Variants in MMP8 observed in about 807,000 individuals in gnomAD.
The protein encoded by MMP8 is matrix metallopeptidase 8.
MMP8 carries 67 observed loss-of-function variants against 51.2 expected under a neutral mutation model. That is an observed-to-expected ratio of 1.31 (90% CI 1.08 to 1.60). The LOEUF is 1.60. Ranked by LOEUF, MMP8 falls within the 40% of genes most tolerant of loss-of-function variation. MMP8 has a pLI of 0.00. For missense variants in MMP8, 654 were observed against 558.1 expected, an observed-to-expected ratio of 1.17 and a Z score of -1.73; for synonymous variants, 225 against 191.0, an observed-to-expected ratio of 1.18 and a Z score of -1.47.
chr11:102,718,287 T>C (rs1219304243), intron 5 of MMP8, 127 bp downstream of exon 5: 2 of 993,450 alleles, frequency 2.0e-6, no homozygotes, highest in Non-Finnish European at 1.5e-6. Flanking sequence ...GCTTTATTAC[T>C]GGGGAAATTC....
Position 102,714,653 on chromosome 11 carries a change from T to C in MMP8, c.1093A>G (p.Ile365Val), listed in dbSNP as rs1861227313. ...CTGCTGGGGAAGCCATAGTTTGATA[T>C]ATCCTTGGGATAACCTTGCAGAATA... The part of the protein sequence containing the change: ...YDILQGYPKD[I>V]SNYGFPSSVQ... The change falls in exon 8 of 10, where the codon ATA (isoleucine) becomes GTA (valine). Residue 365 changes from isoleucine to valine, a missense_variant. Ile to Val is a conservative substitution (Grantham distance 29). Coordinates refer to ENST00000236826, the MANE Select transcript of MMP8 (RefSeq NM_002424.3). 6.4e-7 allele frequency: 1 copy of C among 1,554,822 alleles called. No individual in the cohort carries two copies. The highest frequency in any genetic ancestry group is 2.0e-5 in the Admixed American group (1 of 50,214).
intron 4 of MMP8, among the ~76,000 whole-genome samples, chr11:102,720,572 C>G (rs536100576): frequency 6.6e-6 from 1 of 152,116 alleles, no homozygotes; most frequent in Non-Finnish European, 1.5e-5. Flanking sequence ...TCTAAAAGTG[C>G]TCTCTGGCAT....
intron 4 of MMP8, among the ~76,000 whole-genome samples, chr11:102,719,304 G>A (rs955744980): frequency 6.6e-6 from 1 of 152,092 alleles, no homozygotes; most frequent in Non-Finnish European, 1.5e-5. Flanking sequence ...AGATATTTGA[G>A]TGCTTGCCTT....
chr11:102,717,186 C>A (rs371044423), intron 5 of MMP8, among the ~76,000 whole-genome samples: 2 of 152,122 alleles, frequency 1.3e-5, no homozygotes, highest in Non-Finnish European at 1.5e-5. Flanking sequence ...TATTCCATTC[C>A]ATTCCACACT....
At position 102,721,735 on chromosome 11, in the gene MMP8, T is replaced by C; in HGVS notation, c.375A>G (p.Ser125=). The change falls in exon 3 of 10, where the codon TCA becomes TCG. Residue 125 remains serine, a synonymous_variant. Transcript: ENST00000236826. ...YRIRNYTPQL[S]EAEVERAIKD... is the part of the protein sequence containing the mutation. The stretch of plus-strand genomic sequence containing the variant: ...TGATAGCTCTTTCTACCTCAGCCTC[T>C]GACAGCTGTGGGGTATAGTTTCGAA... The C allele has an allele frequency of 6.2e-7, 1 of 1,613,782 alleles. No homozygotes were observed. The highest frequency in any genetic ancestry group is 8.5e-7 in the Non-Finnish European group (1 of 1,179,782).
Position 102,718,502 on chromosome 11 carries a change from A to G in MMP8, c.696T>C (p.Gly232=), listed in dbSNP as rs908355746. ...SLGLAHSSDP[G]ALMYPNYAFR... ...AAGCATAGTTGGGATACATCAAGGC[A>G]CCAGGGTCAGAGGAGTGAGCGAGCC... The change falls in exon 5 of 10, where the codon GGT becomes GGC. Residue 232 remains glycine, a synonymous_variant. Transcript: ENST00000236826. 3.5e-5 allele frequency: 56 copies of G among 1,613,850 alleles called. No individual in the cohort carries two copies. The highest frequency in any genetic ancestry group is 4.7e-5 in the Non-Finnish European group (55 of 1,179,936).
At position 102,721,774 on chromosome 11, in the gene MMP8, G is replaced by C; in HGVS notation, c.348-12C>G. On this transcript the variant is annotated splice_polypyrimidine_tract_variant and intron_variant, in intron 2 of 9. Transcript: ENST00000236826. The stretch of plus-strand genomic sequence containing the variant: ...TATAGTTTCGAATCCTTCAAAATGA[G>C]AGGATGTATGAAGAGTTAAATGTTA... 6.2e-7 allele frequency: 1 copy of C among 1,613,038 alleles called. No homozygotes were observed. The highest frequency in any genetic ancestry group is 8.5e-7 in the Non-Finnish European group (1 of 1,179,412).
intron 2 of MMP8, 30 bp downstream of exon 2, chr11:102,722,399 G>A (rs1296117130): frequency 1.9e-6 from 3 of 1,609,848 alleles, no homozygotes; most frequent in Non-Finnish European, 1.7e-6. Context: ...CTGGATAAAT[G>A]AGTGTATCCT....
chr11:102,714,616 A>T lies in MMP8; in HGVS notation c.1130T>A (p.Ile377Asn), dbSNP rs767574063. 10 of 1,526,976 alleles carry T rather than the reference A, an allele frequency of 6.5e-6. No individual in the cohort carries two copies. The South Asian group carries it at 1.3e-4, about 20-fold the overall frequency. 94.6% of individuals were successfully genotyped at this position (1,526,976 alleles called of 1,614,324 possible). A position where few individuals can be genotyped will look rare whatever the true frequency, so the allele number is the denominator to read the frequency against. ...NYGFPSSVQA[I>N]DAAVFYRSKT... Reference sequence around the variant, plus strand: ...ACTTCTGTAGAAAACAGCTGCGTCAATTGCTTGGACGCTGCTGGGGAAGCC... The same window carrying T: ...ACTTCTGTAGAAAACAGCTGCGTCATTTGCTTGGACGCTGCTGGGGAAGCC... The change falls in exon 8 of 10, where the codon ATT becomes AAT. Residue 377 changes from isoleucine (I) to asparagine (N), a missense_variant. Physicochemically the swap from Ile to Asn is moderately radical, Grantham distance 149. Coordinates refer to ENST00000236826, the MANE Select transcript of MMP8 (RefSeq NM_002424.3).
At chr11:102,717,495 T>C (rs1301181045) in intron 5 of MMP8, among the ~76,000 whole-genome samples, 1 of 152,204 alleles carries the variant, frequency 6.6e-6, no homozygotes, top group East Asian at 1.9e-4. Flanking sequence ...GTGCAATATA[T>C]CTCATTCTGT....
At chr11:102,724,222 T>C (rs1188522655) in intron 1 of MMP8, among the ~76,000 whole-genome samples, 1 of 152,222 alleles carries the variant, frequency 6.6e-6, no homozygotes, top group Non-Finnish European at 1.5e-5. Context: ...AAAAAAACTA[T>C]TGGTTCTGCT....
At chr11:102,715,581 G>A in intron 6 of MMP8, 144 bp from the exon 7 acceptor site, 1 of 1,100,294 alleles carries the variant, frequency 9.1e-7, no homozygotes, top group Non-Finnish European at 1.3e-6. Flanking sequence ...TCCTAGCACA[G>A]TGACCAGCAT....
chr11:102,715,534 T>G, intron 6 of MMP8, 97 bp from the exon 7 acceptor site: 1 of 1,458,398 alleles, frequency 6.9e-7, no homozygotes, highest in East Asian at 2.3e-5. Context: ...CCTTGTAGGA[T>G]TGCTGGGAGA....
chr11:102,718,652 C>T (rs936720929), intron 4 of MMP8, 77 bp from the exon 5 acceptor site: 3 of 1,545,302 alleles, frequency 1.9e-6, no homozygotes, highest in Non-Finnish European at 8.9e-7. Flanking sequence ...AGGAATGCAA[C>T]CTCCAAGTCA....
chr11:102,715,460 A>AGG, intron 6 of MMP8, 23 bp from the exon 7 acceptor site: 1 of 1,605,332 alleles, frequency 6.2e-7, no homozygotes, highest in Non-Finnish European at 8.5e-7. Flanking sequence ...AAGGAAACAC[A>AGG]CACACACACT....
Position 102,713,431 on chromosome 11 carries a change from T to C in MMP8, c.1321A>G (p.Arg441Gly). ...GCAATAAGATCAAATGCGTAATATCTTGGTCCACTGAAGACATGGAAGAAA... is the reference window on the plus strand; with the variant it reads ...GCAATAAGATCAAATGCGTAATATCCTGGTCCACTGAAGACATGGAAGAAA... ...EHFFHVFSGP[R>G]YYAFDLIAQR... Residue 441 changes from arginine (R) to glycine (G), a missense_variant, in exon 10 of 10, where the codon AGA (arginine) becomes GGA (glycine). Physicochemically the swap from Arg to Gly is moderately radical, Grantham distance 125. Transcript: ENST00000236826. 2.5e-6 allele frequency: 4 copies of C among 1,613,312 alleles called. No individual in the cohort carries two copies. The highest frequency in any genetic ancestry group is 2.2e-5 in the East Asian group (1 of 44,856).
chr11:102,713,625 G>A (rs1015236755), intron 9 of MMP8, 129 bp downstream of exon 9: 5 of 1,021,464 alleles, frequency 4.9e-6, no homozygotes, highest in Non-Finnish European at 7.3e-6. Context: ...CAGAACTCTG[G>A]GAGGCTGAGG....
intron 2 of MMP8, 50 bp from the exon 3 acceptor site, chr11:102,721,812 G>T: frequency 1.9e-6 from 3 of 1,591,674 alleles, no homozygotes; most frequent in Non-Finnish European, 2.6e-6. Flanking sequence ...TAGAACAGTA[G>T]TCCATCAACT....
Position 102,713,033 on chromosome 11 carries a change from T to C in MMP8, c.*315A>G, listed in dbSNP as rs1306844044. The C allele has an allele frequency of 4.5e-6, 1 of 220,276 alleles. No individual in the cohort carries two copies. Among genetic ancestry groups the C allele is most frequent in the Non-Finnish European group, 9.0e-6 (1 of 110,940 alleles). The allele number at this position is 220,276 out of a possible 1,614,324, so 13.6% of individuals were successfully genotyped here. A position where few individuals can be genotyped will look rare whatever the true frequency, so the allele number is the denominator to read the frequency against. On this transcript the variant is annotated 3_prime_UTR_variant, in exon 10 of 10. Transcript: ENST00000236826. Reference sequence around the variant, plus strand: ...GGATGTATGAAGTCAGATAGGCAAGTAATATAACAATAAATCCTAGAAGTC... The same window carrying C: ...GGATGTATGAAGTCAGATAGGCAAGCAATATAACAATAAATCCTAGAAGTC...
Sources: gnomAD v4.1 joint callset for allele counts (sites outside exome capture counted in the v4.1 genomes callset) on GRCh38, gnomAD v4.1.1 for gene constraint, MANE v1.5 for transcripts, NCBI Gene and HGNC (gene_info 2026-07-23, HGNC 2026-07-21) for gene names.